SESN3: variants seen among roughly 807,000 people sequenced by gnomAD.
SESN3 encodes the protein sestrin-3.
Under a neutral mutation model 55.3 loss-of-function variants are expected in SESN3, and 21 were observed. The observed-to-expected ratio is 0.38, with a 90% confidence interval of 0.27 to 0.55. SESN3 has a LOEUF of 0.55. Among genes scored for constraint, SESN3 ranks in the 20% least tolerant of loss-of-function variants. The pLI is 0.76. For synonymous variants in SESN3, 181 were observed against 203.1 expected (o/e 0.89, Z 0.93); for missense variants, 408 against 604.3 (o/e 0.68, Z 3.41).
intron 9 of SESN3, among the ~76,000 whole-genome samples, 190 bp from the exon 10 acceptor site, chr11:95,173,531 CCCAT>C (rs1859894633): frequency 6.6e-6 from 1 of 151,964 alleles, no homozygotes; most frequent in African/African-American, 2.4e-5. Context: ...GTAAAAATAA[CCCAT>C]AAAATCTAAA....
At chr11:95,231,588 A>G (rs1179126984), upstream of SESN3, 1 of 154,750 alleles carries the variant, frequency 6.5e-6, no homozygotes, top group African/African-American at 2.4e-5. Context: ...GGAGAATGAG[A>G]TAAATAGTTG....
intron 1 of SESN3, among the ~76,000 whole-genome samples, chr11:95,222,666 C>T (rs982692853): frequency 3.3e-5 from 5 of 152,066 alleles, no homozygotes; most frequent in Admixed American, 3.3e-4. Flanking sequence ...ATTCAGTATG[C>T]TAAGTGCAAT....
At chr11:95,189,229 T>G (rs545901869) in intron 4 of SESN3, among the ~76,000 whole-genome samples, 1 of 152,020 alleles carries the variant, frequency 6.6e-6, no homozygotes, top group South Asian at 2.1e-4. Context: ...CCTTCAGAAA[T>G]ACAAGTGCTC....
At chr11:95,192,086 C>CT (rs1484888082) in intron 2 of SESN3, among the ~76,000 whole-genome samples, 1 of 151,982 alleles carries the variant, frequency 6.6e-6, no homozygotes, top group Non-Finnish European at 1.5e-5. Flanking sequence ...TTTCTGAAGT[C>CT]TTTTCAGGAA....
At chr11:95,175,159 T>A (rs1859931312) in intron 9 of SESN3, among the ~76,000 whole-genome samples, 3 of 151,940 alleles carry the variant, frequency 2.0e-5, no homozygotes. Flanking sequence ...AGGTCAGGAG[T>A]TTGAGACCAG....
intron 1 of SESN3, among the ~76,000 whole-genome samples, chr11:95,196,247 A>T (rs1591060245): frequency 6.6e-6 from 1 of 152,138 alleles, no homozygotes; most frequent in African/African-American, 2.4e-5. Flanking sequence ...TCTGGCAAGG[A>T]CTCTACTACT....
At position 95,185,339 on chromosome 11, in the gene SESN3, T is replaced by C. The variant is rs1860143673; in HGVS notation, c.679A>G (p.Ile227Val). ...CAAACGCAGAAATTGTTGACTGATA[T>C]TAGCCTGAATCCATTGGAGATTTCT... ...DPEISNGFRLISVNNFCVCDL... is the reference protein window; with the variant it reads ...DPEISNGFRLVSVNNFCVCDL... The change falls in exon 5 of 10, where the codon ATA (isoleucine) becomes GTA (valine). Residue 227 changes from isoleucine (I) to valine (V), a missense_variant. Coordinates refer to ENST00000536441, the MANE Select transcript of SESN3 (RefSeq NM_144665.4). 6.2e-7 allele frequency: 1 copy of C among 1,613,114 alleles called. No individual in the cohort carries two copies. The highest frequency in any genetic ancestry group is 8.5e-7 in the Non-Finnish European group (1 of 1,179,388).
chr11:95,185,932 C>T (rs1269818601), intron 4 of SESN3, among the ~76,000 whole-genome samples: 1 of 151,976 alleles, frequency 6.6e-6, no homozygotes, highest in African/African-American at 2.4e-5. Flanking sequence ...TAGATACCTT[C>T]TAATGGAGAA....
chr11:95,174,992 G>A (rs996730605), intron 9 of SESN3, among the ~76,000 whole-genome samples: 5 of 152,072 alleles, frequency 3.3e-5, no homozygotes, highest in Non-Finnish European at 5.9e-5. Context: ...CTGAAATGTT[G>A]TATTAGGTAT....
Position 95,170,807 on chromosome 11 carries a change from T to A in SESN3, c.*2448A>T, listed in dbSNP as rs892706037. On this transcript the variant is annotated 3_prime_UTR_variant, in exon 10 of 10. Transcript: ENST00000536441. ...AAATATATGGTGTTGTTTTTGTTTA[T>A]AGTTCCAAGTCAACTTATTTTCCTA... The A allele has an allele frequency of 2.0e-5, 3 of 152,202 alleles. No homozygotes were observed. The highest frequency in any genetic ancestry group is 7.2e-5 in the African/African-American group (3 of 41,458). The allele number at this position is 152,202 out of a possible 1,614,324, so 9.4% of individuals were successfully genotyped here. A position where few individuals can be genotyped will look rare whatever the true frequency, so the allele number is the denominator to read the frequency against.
At chr11:95,221,800 T>C (rs1860863960) in intron 1 of SESN3, among the ~76,000 whole-genome samples, 2 of 152,216 alleles carry the variant, frequency 1.3e-5, no homozygotes, top group African/African-American at 4.8e-5. Context: ...TCTCATAATA[T>C]TCATGTGTCC....
chr11:95,225,714 T>C (rs1053067305), intron 1 of SESN3, among the ~76,000 whole-genome samples: 10 of 152,156 alleles, frequency 6.6e-5, no homozygotes, highest in African/African-American at 2.4e-4. Context: ...TAAGTTATTA[T>C]AATCCAAATA....
chr11:95,189,407 C>G (rs1860225440), intron 4 of SESN3, among the ~76,000 whole-genome samples: 1 of 151,918 alleles, frequency 6.6e-6, no homozygotes, highest in Non-Finnish European at 1.5e-5. Flanking sequence ...CTCATTTAAT[C>G]TAGCTCCCTC....
chr11:95,228,435 G>T (rs1336393801), intron 1 of SESN3, among the ~76,000 whole-genome samples: 4 of 152,102 alleles, frequency 2.6e-5, no homozygotes, highest in Admixed American at 2.6e-4. Context: ...GACTCACTTG[G>T]CTACATTACT....
chr11:95,166,736 T>C lies in SESN3; in HGVS notation c.*6519A>G, dbSNP rs1033901256. On this transcript the variant is annotated 3_prime_UTR_variant, in exon 10 of 10. Transcript: ENST00000536441. The stretch of plus-strand genomic sequence containing the variant: ...ACCTTGCTGAGACTGTGTATGTGTA[T>C]GTGCCTATACTAGTAGCACTGAGAA... The C allele has an allele frequency of 6.6e-6, 1 of 152,224 alleles. No homozygotes were observed. Among genetic ancestry groups the C allele is most frequent in the Non-Finnish European group, 1.5e-5 (1 of 68,046 alleles). The allele number at this position is 152,224 out of a possible 1,614,324, so 9.4% of individuals were successfully genotyped here. A position where few individuals can be genotyped will look rare whatever the true frequency, so the allele number is the denominator to read the frequency against.
In SESN3 at chr11:95,168,404, T is replaced by G. The variant is rs893339377; in HGVS notation, c.*4851A>C. The stretch of plus-strand genomic sequence containing the variant: ...TCTGAACGATAGAAATAGTTCAATT[T>G]CTGTATCATGTATAAATATAAAGTT... On this transcript the variant is annotated 3_prime_UTR_variant, in exon 10 of 10. Coordinates refer to ENST00000536441, the MANE Select transcript of SESN3 (RefSeq NM_144665.4). The G allele has an allele frequency of 1.3e-5, 2 of 152,226 alleles. No individual in the cohort carries two copies. Among genetic ancestry groups the G allele is most frequent in the Admixed American group, 1.3e-4 (2 of 15,278 alleles). The allele number at this position is 152,226 out of a possible 1,614,324, so 9.4% of individuals were successfully genotyped here. A position where few individuals can be genotyped will look rare whatever the true frequency, so the allele number is the denominator to read the frequency against.
intron 6 of SESN3, among the ~76,000 whole-genome samples, chr11:95,179,040 CCTAA>C (rs1215848908): frequency 6.6e-6 from 1 of 152,216 alleles, no homozygotes; most frequent in South Asian, 2.1e-4. Flanking sequence ...AACTAGTTTT[CCTAA>C]CTGTTAGTTT....
chr11:95,175,796 A>T (rs1340596025), intron 8 of SESN3, among the ~76,000 whole-genome samples, 154 bp from the exon 9 acceptor site: 1 of 152,224 alleles, frequency 6.6e-6, no homozygotes, highest in Non-Finnish European at 1.5e-5. Context: ...ATTATGTGCC[A>T]TGAGTACTCA....
chr11:95,184,516 C>T lies in SESN3; in HGVS notation c.841G>A (p.Ala281Thr). Reference sequence around the variant, plus strand: ...CGAGTGCTCATTTCTTCTTGAGACGCCTCTTCATCTTCCCTTTCTTCTTGA... The same window carrying T: ...CGAGTGCTCATTTCTTCTTGAGACGTCTCTTCATCTTCCCTTTCTTCTTGA... ...RLQEEREDEE[A>T]SQEEMSTRFE... The change falls in exon 6 of 10, where the codon GCG becomes ACG. Residue 281 changes from alanine (A) to threonine (T), a missense_variant. Physicochemically the swap from Ala to Thr is moderately conservative, Grantham distance 58. Coordinates refer to ENST00000536441, the MANE Select transcript of SESN3 (RefSeq NM_144665.4). 6 of 1,613,440 alleles carry T rather than the reference C, an allele frequency of 3.7e-6. No individual in the cohort carries two copies. Among genetic ancestry groups the T allele is most frequent in the African/African-American group, 1.3e-5 (1 of 74,988 alleles).
Sources: allele counts gnomAD v4.1 joint callset (sites outside exome capture counted in the v4.1 genomes callset), GRCh38; gene constraint gnomAD v4.1.1; transcripts MANE v1.5; gene names NCBI Gene and HGNC (gene_info 2026-07-23, HGNC 2026-07-21).